The following CEP112 variants were observed in gnomAD, a reference collection of about 807,000 sequenced individuals.
CEP112 encodes the protein centrosomal protein 112, also known as centrosomal protein of 112 kDa.
CEP112 carries 127 observed loss-of-function variants against 153.0 expected under a neutral mutation model. The observed-to-expected ratio is 0.83, with a 90% CI of 0.72 to 0.96. The LOEUF (loss-of-function observed/expected upper bound fraction) is 0.96, where lower values mean the gene tolerates loss of function less well. Ranked by LOEUF, CEP112 falls within the 40% of genes least tolerant of loss-of-function variation. The pLI, the probability that CEP112 is intolerant of heterozygous loss-of-function variation, is 0.00. For missense variants in CEP112, 1,089 were observed against 1,101.2 expected, an observed-to-expected ratio of 0.99 and a Z score of 0.16; for synonymous variants, 358 against 374.4, an observed-to-expected ratio of 0.96 and a Z score of 0.51.
chr17:66,174,242 G>T (rs556775457), intron 4 of CEP112, among the ~76,000 whole-genome samples: 1 of 152,192 alleles, frequency 6.6e-6, no homozygotes, highest in Admixed American at 6.5e-5. Flanking sequence ...TATCTTTTTC[G>T]ACCATAATAT....
intron 24 of CEP112, among the ~76,000 whole-genome samples, chr17:65,649,222 A>G (rs532096303): frequency 6.6e-6 from 1 of 152,340 alleles, no homozygotes; most frequent in South Asian, 2.1e-4. Flanking sequence ...CTGTGCAATC[A>G]GCTTAGGCAC....
intron 6 of CEP112, among the ~76,000 whole-genome samples, chr17:66,118,428 T>C (rs7209547): frequency 0.011 from 1,639 of 152,132 alleles, 29 homozygotes; most frequent in African/African-American, 0.038. Context: ...GAAGACATTA[T>C]GTTAAATGAA....
chr17:65,825,992 G>T lies in CEP112; in HGVS notation c.2394+25812C>A, dbSNP rs2056821042. ...ATGATGGCCCTTATTTCTGTTCAAT[G>T]TGATTGCAGTTTGTTCCATCATCCC... On this transcript the variant is annotated intron_variant, in intron 21 of 26. Transcript: ENST00000535342. 9.1e-6 allele frequency: 7 copies of T among 768,142 alleles called. No individual in the cohort carries two copies. In the South Asian group the frequency reaches 1.2e-4, roughly 13 times the overall value. The allele number at this position is 768,142 out of a possible 1,614,324, so 47.6% of individuals were successfully genotyped here. A position where few individuals can be genotyped will look rare whatever the true frequency, so the allele number is the denominator to read the frequency against.
intron 4 of CEP112, among the ~76,000 whole-genome samples, chr17:66,157,518 A>C (rs1598459700): frequency 6.6e-6 from 1 of 152,200 alleles, no homozygotes; most frequent in Non-Finnish European, 1.5e-5. Context: ...GATCAAATTC[A>C]CACATAACAA....
intron 21 of CEP112, among the ~76,000 whole-genome samples, chr17:65,800,121 TGA>T (rs2055176893): frequency 6.6e-6 from 1 of 152,170 alleles, no homozygotes; most frequent in Non-Finnish European, 1.5e-5. Context: ...TTTAAAAAAC[TGA>T]GATATAACTC....
chr17:65,688,626 C>T (rs779146441), intron 24 of CEP112: 11 of 154,802 alleles, frequency 7.1e-5, no homozygotes, highest in Non-Finnish European at 1.1e-4. Context: ...AAGCCAGCAC[C>T]GGAGGGAGAG....
chr17:66,101,871 C>G (rs9894609), intron 6 of CEP112, among the ~76,000 whole-genome samples: 151,306 of 152,206 alleles, frequency 0.99, 75,216 homozygotes, highest in Middle Eastern at 1. Context: ...GTGGTTATTT[C>G]GGACTAGCTA....
intron 20 of CEP112, among the ~76,000 whole-genome samples, chr17:65,891,642 T>TCAAAAAA (rs2059471393): frequency 6.6e-6 from 1 of 152,114 alleles, no homozygotes; most frequent in African/African-American, 2.4e-5. Flanking sequence ...ATGAATCAAA[T>TCAAAAAA]CATGTCACCT....
At chr17:65,908,045 GA>G (rs941835851) in intron 19 of CEP112, among the ~76,000 whole-genome samples, 4 of 152,124 alleles carry the variant, frequency 2.6e-5, no homozygotes, top group Admixed American at 1.3e-4. Flanking sequence ...GGGGCATCTG[GA>G]CCCATAATAC....
chr17:66,157,068 CA>C (rs1835295235), intron 4 of CEP112, among the ~76,000 whole-genome samples: 1 of 152,092 alleles, frequency 6.6e-6, no homozygotes, highest in South Asian at 2.1e-4. Context: ...CCCCAAGACA[CA>C]TAATTGTCAG....
At chr17:65,735,976 T>C (rs905843318) in intron 23 of CEP112, among the ~76,000 whole-genome samples, 5 of 152,142 alleles carry the variant, frequency 3.3e-5, no homozygotes, top group African/African-American at 1.2e-4. Context: ...ATTGATGAAT[T>C]TTAAGAAAAA....
Position 65,927,628 on chromosome 17 carries a change from T to C in CEP112, c.1934A>G (p.Glu645Gly), listed in dbSNP as rs1405362063. 1 of 1,602,230 alleles carries C rather than the reference T, an allele frequency of 6.2e-7. No individual in the cohort carries two copies. Among genetic ancestry groups the C allele is most frequent in the Non-Finnish European group, 8.5e-7 (1 of 1,176,652 alleles). Residue 645 changes from glutamate (E) to glycine (G), a missense_variant, in exon 19 of 27, where the codon GAG becomes GGG. Coordinates refer to ENST00000535342, the MANE Select transcript of CEP112 (RefSeq NM_001199165.4). ...GATGTCCTCCAGTTGCCATAAAAAC[T>C]CCTTTGATTGTTTCTCACGAAGAGA... ...SKSLREKQSK[E>G]FLWQLEDIRQ...
At chr17:65,935,365 C>A (rs2144331730) in intron 18 of CEP112, among the ~76,000 whole-genome samples, 1 of 152,212 alleles carries the variant, frequency 6.6e-6, no homozygotes, top group East Asian at 1.9e-4. Context: ...ACAGATCATC[C>A]ACATAGAACA....
At chr17:65,869,051 G>C (rs1462288308) in intron 20 of CEP112, among the ~76,000 whole-genome samples, 3 of 152,176 alleles carry the variant, frequency 2.0e-5, no homozygotes, top group Non-Finnish European at 2.9e-5. Flanking sequence ...TCACATAAAA[G>C]TCCGGGCAAG....
intron 21 of CEP112, among the ~76,000 whole-genome samples, chr17:65,812,117 C>A (rs1381878698): frequency 2.0e-5 from 3 of 152,016 alleles, no homozygotes; most frequent in African/African-American, 7.2e-5. Flanking sequence ...CATTCTCCTG[C>A]CTCAGCCTCC....
intron 18 of CEP112, among the ~76,000 whole-genome samples, chr17:65,932,479 G>A (rs56854171): frequency 0.48 from 72,830 of 151,968 alleles, 18,447 homozygotes; most frequent in East Asian, 0.89. Context: ...AGAAGATCAC[G>A]GATGTATTAG....
At chr17:65,698,675 T>C (rs545713389) in intron 23 of CEP112, among the ~76,000 whole-genome samples, 1 of 152,158 alleles carries the variant, frequency 6.6e-6, no homozygotes, top group Admixed American at 6.6e-5. Context: ...ATTCCCCCGC[T>C]TCGTGGCTCT....
At chr17:66,164,488 C>T (rs1220833367) in intron 4 of CEP112, among the ~76,000 whole-genome samples, 1 of 146,790 alleles carries the variant, frequency 6.8e-6, no homozygotes, top group East Asian at 2.0e-4. Context: ...ACCCAGGAGG[C>T]AGAGGTTGCA....
intron 6 of CEP112, among the ~76,000 whole-genome samples, chr17:66,109,397 C>A (rs940164105): frequency 6.6e-6 from 1 of 151,898 alleles, no homozygotes; most frequent in African/African-American, 2.4e-5. Flanking sequence ...AATATACATA[C>A]CTACTATGCT....
Sources: allele counts gnomAD v4.1 joint callset (sites outside exome capture counted in the v4.1 genomes callset), GRCh38; gene constraint gnomAD v4.1.1; transcripts MANE v1.5; gene names NCBI Gene and HGNC (gene_info 2026-07-23, HGNC 2026-07-21).